DHRS12: variants seen among roughly 807,000 people sequenced by gnomAD.
DHRS12 encodes dehydrogenase/reductase 12, also known as dehydrogenase/reductase SDR family member 12.
Under a neutral mutation model 32.1 loss-of-function variants are expected in DHRS12, and 29 were observed. The observed-to-expected ratio is 0.90, with a 90% CI of 0.67 to 1.23. DHRS12 has a LOEUF of 1.23. DHRS12 is among the 50% of genes most tolerant of loss of function. DHRS12 has a pLI of 0.00. For synonymous variants in DHRS12, 150 were observed against 135.9 expected (o/e 1.10, Z -0.72); for missense variants, 330 against 337.2 (o/e 0.98, Z 0.17).
At chr13:51,756,308 A>C in the DHRS12 span, 1 of 1,606,120 alleles carries the variant, frequency 6.2e-7, no homozygotes, top group African/African-American at 1.3e-5. Context: ...CGTGATGAGT[A>C]TCTATTTTAT....
Position 51,771,808 on chromosome 13 carries a change from G to C in DHRS12, c.559+13C>G. ...AAACGTAAGTGGCTCAGCAATTAAA[G>C]GCTATGACATACCTGGGGTGTCGGC... On this transcript the variant is annotated intron_variant, in intron 7 of 8. Coordinates refer to ENST00000444610, the MANE Select transcript of DHRS12 (RefSeq NM_001377533.1). The C allele has an allele frequency of 1.2e-6, 2 of 1,613,908 alleles. No individual in the cohort carries two copies. Among genetic ancestry groups the C allele is most frequent in the South Asian group, 1.1e-5 (1 of 91,068 alleles).
At position 51,768,657 on chromosome 13, in the gene DHRS12, C is replaced by A. The variant is rs41292774; in HGVS notation, c.698-361G>T. The A allele has an allele frequency of 7.3e-5, 83 of 1,135,580 alleles. No individual in the cohort carries two copies. The African/African-American group carries it at 1.2e-3, about 17-fold the overall frequency. 70.3% of individuals were successfully genotyped at this position (1,135,580 alleles called of 1,614,324 possible). A position where few individuals can be genotyped will look rare whatever the true frequency, so the allele number is the denominator to read the frequency against. ...GAGGAAAGAGAAGCCAAGCAAAGAG[C>A]CTGGCTTCCACCCGAGGTCAAGTGC... On this transcript the variant is annotated intron_variant, in intron 8 of 8. Coordinates refer to ENST00000444610, the MANE Select transcript of DHRS12 (RefSeq NM_001377533.1).
intron 7 of DHRS12, 84 bp from the exon 8 acceptor site, chr13:51,769,377 A>AG (rs1953908805): frequency 1.9e-6 from 2 of 1,059,424 alleles, no homozygotes; most frequent in East Asian, 5.7e-5. Context: ...AAAAAAAAAA[A>AG]GTGCAAAAAT....
rs1953831509 is a variant in DHRS12, at chr13:51,768,085, C to T, written c.*102G>A. On this transcript the variant is annotated 3_prime_UTR_variant, in exon 9 of 9. Transcript: ENST00000444610. ...GCCTCGCTGTGAGGCACAACGTCTTCGAGGGGAAGTTGAAGTGGGGTCTTC... is the reference window on the plus strand; with the variant it reads ...GCCTCGCTGTGAGGCACAACGTCTTTGAGGGGAAGTTGAAGTGGGGTCTTC... The T allele has an allele frequency of 4.0e-6, 6 of 1,493,670 alleles. No homozygotes were observed. The highest frequency in any genetic ancestry group is 4.9e-5 in the East Asian group (2 of 40,524). 92.5% of individuals were successfully genotyped at this position (1,493,670 alleles called of 1,614,324 possible).
rs1298732177 is a variant in DHRS12 at position 51,777,067 on chromosome 13, G to A, written c.356C>T (p.Pro119Leu). ...CCCATAAGGTCAACTCACCACTCGG[G>A]GGTCGTGTTCTTTCTCCAGCACAGG... ...LIPVLEKEHD[P>L]RVITVSSGGM... The change falls in exon 5 of 9, where the codon CCC (proline) becomes CTC (leucine). Residue 119 changes from proline (P) to leucine (L), a missense_variant. By Grantham distance (98) the Pro-to-Leu change is moderately conservative. Coordinates refer to ENST00000444610, the MANE Select transcript of DHRS12 (RefSeq NM_001377533.1). The A allele has an allele frequency of 1.2e-6, 2 of 1,613,800 alleles. No individual in the cohort carries two copies. The highest frequency in any genetic ancestry group is 1.1e-5 in the South Asian group (1 of 91,072).
chr13:51,762,117 A>G, the DHRS12 span: 2 of 152,238 alleles, frequency 1.3e-5, no homozygotes, highest in Admixed American at 1.3e-4. Flanking sequence ...GAAATGAGTA[A>G]TAGAGCTGAA....
rs1190961091 is a variant in DHRS12 at position 51,769,285 on chromosome 13, G to A, written c.568C>T (p.Gln190Ter). 1 of 1,573,084 alleles carries A rather than the reference G, an allele frequency of 6.4e-7. No homozygotes were observed. Among genetic ancestry groups the A allele is most frequent in the East Asian group, 2.3e-5 (1 of 43,222 alleles). Residue 190 changes from glutamine (Q) to a stop codon, truncating the protein, a stop_gained, in exon 8 of 9, where the codon CAG becomes TAG. Coordinates refer to ENST00000444610, the MANE Select transcript of DHRS12 (RefSeq NM_001377533.1). LOFTEE classifies it high-confidence loss of function. Reference sequence around the variant, plus strand: ...CTGGCGTGGAACCCCGGCATCGCCTGCCTCACACCTGGGAGAAGGAAGGGT... The same window carrying A: ...CTGGCGTGGAACCCCGGCATCGCCTACCTCACACCTGGGAGAAGGAAGGGT... ...PGWADTPGVR[Q>*]AMPGFHARFG...
At chr13:51,794,169 G>A (rs1593559000) in intron 2 of DHRS12, among the ~76,000 whole-genome samples, 1 of 152,204 alleles carries the variant, frequency 6.6e-6, no homozygotes, top group African/African-American at 2.4e-5. Context: ...GCCACACAAT[G>A]AGAAGGCTCA....
chr13:51,795,624 T>C (rs868314960), intron 2 of DHRS12, among the ~76,000 whole-genome samples: 3 of 152,020 alleles, frequency 2.0e-5, no homozygotes, highest in South Asian at 4.2e-4. Context: ...CAGAGATTAG[T>C]AACAACAGGA....
chr13:51,803,972 G>A, intron 1 of DHRS12, 82 bp downstream of exon 1: 2 of 1,234,858 alleles, frequency 1.6e-6, no homozygotes, highest in South Asian at 2.4e-5. Flanking sequence ...AGCCGCGGGC[G>A]CGTCCCCGCC....
At chr13:51,779,388 TC>T (rs1462512507) in intron 4 of DHRS12, among the ~76,000 whole-genome samples, 1 of 152,144 alleles carries the variant, frequency 6.6e-6, no homozygotes, top group Non-Finnish European at 1.5e-5. Flanking sequence ...AAGCAAACAG[TC>T]TTTGCCCTGG....
At chr13:51,771,702 T>C (rs2296027) in intron 7 of DHRS12, 119 bp downstream of exon 7, 129,321 of 1,356,558 alleles carry the variant, frequency 0.095, 8,166 homozygotes, top group Admixed American at 0.26. Flanking sequence ...GAAATGAAGC[T>C]ACTCCTCAGT....
At chr13:51,755,746 G>A in the DHRS12 span, among the ~76,000 whole-genome samples, 291 of 152,228 alleles carry the variant, frequency 1.9e-3, 2 homozygotes, top group Middle Eastern at 6.8e-3. Context: ...TGCTTAGTTC[G>A]TATGGAAACC....
rs1050543434 is a variant in DHRS12, at chr13:51,782,798, G to C, written c.302-5677C>G. Among the ~76,000 whole-genome samples the C allele has an allele frequency of 3.9e-5, 6 of 152,164 alleles. No homozygotes were observed. Among genetic ancestry groups the C allele is most frequent in the African/African-American group, 1.4e-4 (6 of 41,440 alleles). On this transcript the variant is annotated intron_variant, in intron 4 of 8. Transcript: ENST00000444610. The surrounding 1 kb of genome is among the most constrained non-coding windows in gnomAD (Gnocchi z 4.2). ...GCCTCAGCTCATTAAAAGGACAAAGGTGCTTATTTGGGATTGTGTTTCTAA... is the reference window on the plus strand; with the variant it reads ...GCCTCAGCTCATTAAAAGGACAAAGCTGCTTATTTGGGATTGTGTTTCTAA...
chr13:51,787,903 A>T (rs9563072), intron 4 of DHRS12, among the ~76,000 whole-genome samples: 147 of 126,824 alleles, frequency 1.2e-3, no homozygotes, highest in Middle Eastern at 7.4e-3. Flanking sequence ...AATATATATA[A>T]AAATATATAA....
chr13:51,759,481 G>C, the DHRS12 span, among the ~76,000 whole-genome samples: 4 of 152,268 alleles, frequency 2.6e-5, no homozygotes, highest in South Asian at 8.3e-4. Flanking sequence ...TGTCTTCCCA[G>C]TCCTCTCAGC....
At chr13:51,798,893 T>C (rs981594205) in intron 2 of DHRS12, among the ~76,000 whole-genome samples, 1 of 152,222 alleles carries the variant, frequency 6.6e-6, no homozygotes, top group Non-Finnish European at 1.5e-5. Flanking sequence ...GTTGAGCTCA[T>C]GCAGGAAATT....
At chr13:51,761,019 A>G in the DHRS12 span, 1 of 152,196 alleles carries the variant, frequency 6.6e-6, no homozygotes, top group Non-Finnish European at 1.5e-5. Flanking sequence ...GAACTTGAAC[A>G]TGTTCATTAC....
intron 1 of DHRS12, among the ~76,000 whole-genome samples, chr13:51,803,189 G>A (rs1327935545): frequency 6.6e-6 from 1 of 152,166 alleles, no homozygotes; most frequent in Admixed American, 6.5e-5. Context: ...CCTCCCCTAG[G>A]AGTGCTGGCC....
Sources: allele counts gnomAD v4.1 joint callset (sites outside exome capture counted in the v4.1 genomes callset), GRCh38; gene constraint gnomAD v4.1.1; non-coding constraint Gnocchi (gnomAD v3.1); transcripts MANE v1.5; gene names NCBI Gene and HGNC (gene_info 2026-07-23, HGNC 2026-07-21).